Variants in ENOSF1 observed in about 807,000 individuals in gnomAD.
ENOSF1 encodes mitochondrial enolase superfamily member 1.
Under a neutral mutation model 68.2 loss-of-function variants are expected in ENOSF1, and 73 were observed. The ratio of observed to expected loss-of-function variants is 1.07; its 90% CI spans 0.89 to 1.30. The LOEUF (loss-of-function observed/expected upper bound fraction) is 1.30. ENOSF1 is among the 50% of genes most tolerant of loss of function. ENOSF1 has a pLI of 0.00. For missense variants in ENOSF1, 589 were observed against 554.5 expected, an observed-to-expected ratio of 1.06 and a Z score of -0.62; for synonymous variants, 223 against 210.4, an observed-to-expected ratio of 1.06 and a Z score of -0.52.
At chr18:682,378 C>T (rs1470009806) in intron 11 of ENOSF1, among the ~76,000 whole-genome samples, 1 of 152,166 alleles carries the variant, frequency 6.6e-6, no homozygotes, top group African/African-American at 2.4e-5. Flanking sequence ...CATACTTAAA[C>T]ATAGGAAAGG....
intron 11 of ENOSF1, among the ~76,000 whole-genome samples, chr18:681,251 C>A (rs1047503612): frequency 1.3e-5 from 2 of 152,220 alleles, no homozygotes. Context: ...TCCAGCCCCA[C>A]GTGGCAGCCT....
At chr18:692,735 G>A in intron 5 of ENOSF1, 1 of 992,380 alleles carries the variant, frequency 1.0e-6, no homozygotes, top group Non-Finnish European at 1.2e-6. Flanking sequence ...ATTCCCTTTT[G>A]GTGGCTACCT....
intron 3 of ENOSF1, among the ~76,000 whole-genome samples, chr18:695,186 T>A (rs560247766): frequency 1.7e-4 from 26 of 152,364 alleles, no homozygotes; most frequent in African/African-American, 5.3e-4. Flanking sequence ...TCTTCTTTTT[T>A]AAATGTTATT....
rs1446158374 is a variant in ENOSF1, at chr18:683,361, C to G, written c.761G>C (p.Arg254Pro). The G allele has an allele frequency of 1.2e-6, 2 of 1,614,132 alleles. No homozygotes were observed. The highest frequency in any genetic ancestry group is 2.2e-5 in the South Asian group (2 of 91,080). The change falls in exon 11 of 16, where the codon CGC (arginine) becomes CCC (proline). Residue 254 changes from arginine (R) to proline (P), a missense_variant. Transcript: ENST00000647584. ...EKTLMMDANQRWDVPEAVEWM... is the reference protein window; with the variant it reads ...EKTLMMDANQPWDVPEAVEWM... ...CTCCACCGCCTCAGGCACATCCCAG[C>G]GCTGGTTGGCATCCATCATCTGCAA...
rs1176027063 is a variant in ENOSF1, at chr18:693,920, A to G, written c.397-12T>C. Reference sequence around the variant, plus strand: ...AACTTCCAGACAGGCTTGAAGTAAAAAAGAAAGGATTTGTAAGACATATGT... The same window carrying G: ...AACTTCCAGACAGGCTTGAAGTAAAGAAGAAAGGATTTGTAAGACATATGT... On this transcript the variant is annotated splice_polypyrimidine_tract_variant and intron_variant, in intron 4 of 15. Transcript: ENST00000647584. 6.2e-7 allele frequency: 1 copy of G among 1,613,990 alleles called. No individual in the cohort carries two copies. Among genetic ancestry groups the G allele is most frequent in the Non-Finnish European group, 8.5e-7 (1 of 1,179,966 alleles).
At position 674,376 on chromosome 18, in the gene ENOSF1, C is replaced by G. The variant is rs1174343295; in HGVS notation, c.1261G>C (p.Glu421Gln). The G allele has an allele frequency of 6.2e-7, 1 of 1,612,470 alleles. No homozygotes were observed. The highest frequency in any genetic ancestry group is 1.1e-5 in the South Asian group (1 of 90,732). ...GGATACTGGTGTTTCTTTACAGATT[C>G]CTCCTTCATTTCTGTTGAGTAGCCG... ...DPGYSTEMKE[E>Q]SVKKHQYPDG... Residue 421 changes from glutamate (E) to glutamine (Q), a missense_variant, in exon 16 of 16, where the codon GAA becomes CAA. Transcript: ENST00000647584.
Position 677,888 on chromosome 18 carries a change from A to G in ENOSF1, c.919-16T>C, listed in dbSNP as rs1361085104. 1.2e-6 allele frequency: 2 copies of G among 1,610,014 alleles called. No homozygotes were observed. Among genetic ancestry groups the G allele is most frequent in the African/African-American group, 2.7e-5 (2 of 74,916 alleles). On this transcript the variant is annotated splice_polypyrimidine_tract_variant and intron_variant, in intron 12 of 15. Coordinates refer to ENST00000647584, the MANE Select transcript of ENOSF1 (RefSeq NM_017512.7). ...TATTGTGGCACTGGAAATAGAATTG[A>G]AAATAACACCAACAGAAGAGTCAGC... is the stretch of plus-strand genomic sequence containing the variant.
intron 13 of ENOSF1, 52 bp from the exon 14 acceptor site, chr18:677,496 G>A: frequency 6.7e-7 from 1 of 1,499,586 alleles, no homozygotes. Flanking sequence ...GGGAGAGGAA[G>A]GGGTGAAAGG....
intron 14 of ENOSF1, among the ~76,000 whole-genome samples, chr18:676,610 T>C (rs1001210937): frequency 5.3e-5 from 8 of 152,220 alleles, no homozygotes; most frequent in Non-Finnish European, 1.5e-5. Flanking sequence ...CTTTTCTTTA[T>C]AAATTACCCA....
At chr18:668,283 T>C (rs773195831), downstream of ENOSF1, among the ~76,000 whole-genome samples, 1 of 152,120 alleles carries the variant, frequency 6.6e-6, no homozygotes, top group Non-Finnish European at 1.5e-5. Context: ...GAGAGGACTT[T>C]CCTCCCAAAA....
chr18:685,057 T>A (rs2076488517), intron 10 of ENOSF1, among the ~76,000 whole-genome samples: 1 of 151,858 alleles, frequency 6.6e-6, no homozygotes, highest in African/African-American at 2.4e-5. Flanking sequence ...AGAGAGAGAG[T>A]CTTGCTATGT....
chr18:666,951 TGATGGAGATGGAGATGGTGATGGA>T (rs1567989592), downstream of ENOSF1, among the ~76,000 whole-genome samples: 794 of 21,206 alleles, frequency 0.037, 101 homozygotes, highest in Middle Eastern at 0.056. Flanking sequence ...ATGGTGATGG[TGATGGAGATGGAGATGGTGATGGA>T]GATGGAGATG....
intron 6 of ENOSF1, 27 bp downstream of exon 6, chr18:691,177 T>C (rs755117201): frequency 6.2e-7 from 1 of 1,613,802 alleles, no homozygotes; most frequent in Non-Finnish European, 8.5e-7. Flanking sequence ...GTGCACGTCG[T>C]GTATCCCAGA....
chr18:693,085 C>T lies in ENOSF1; in HGVS notation c.423+797G>A, dbSNP rs528537474. 245 of 1,288,346 alleles carry T rather than the reference C, an allele frequency of 1.9e-4. 1 individual carries two copies. Among genetic ancestry groups the T allele is most frequent in the Admixed American group, 5.3e-4 (23 of 43,512 alleles). 79.8% of individuals were successfully genotyped at this position (1,288,346 alleles called of 1,614,324 possible). On this transcript the variant is annotated intron_variant, in intron 5 of 15. Coordinates refer to ENST00000647584, the MANE Select transcript of ENOSF1 (RefSeq NM_017512.7). ...TCATGCAGCTGGTGAGCAGTGAAAC[C>T]CGGACTCACAGCCAGCTCTGCATGG...
intron 10 of ENOSF1, among the ~76,000 whole-genome samples, chr18:685,046 T>G (rs890418837): frequency 6.6e-6 from 1 of 152,084 alleles, no homozygotes; most frequent in African/African-American, 2.4e-5. Flanking sequence ...TTCTTTCTTT[T>G]AGAGAGAGAG....
At chr18:688,641 A>G in intron 8 of ENOSF1, 33 bp from the exon 9 acceptor site, 1 of 1,598,222 alleles carries the variant, frequency 6.3e-7, no homozygotes, top group Non-Finnish European at 8.6e-7. Flanking sequence ...CACACACTGG[A>G]GAGAGCCCCT....
chr18:706,409 T>C, intron 2 of ENOSF1, 61 bp downstream of exon 2: 2 of 1,103,454 alleles, frequency 1.8e-6, no homozygotes, highest in South Asian at 2.5e-5. Flanking sequence ...TCTAAGAATC[T>C]AAATTAGAAT....
In ENOSF1 at chr18:691,054, TTC is replaced by T; in HGVS notation, c.535+12_535+13del. On this transcript the variant is annotated intron_variant, in intron 7 of 15. Transcript: ENST00000647584. ...GTTAGCAAAAACAATGAAGAAAATT[TTC>T]TTACAACCCACCTCTTTCTTTTTTA... 1 of 1,614,080 alleles carries T rather than the reference TTC, an allele frequency of 6.2e-7. No homozygotes were observed. The highest frequency in any genetic ancestry group is 1.3e-5 in the African/African-American group (1 of 75,040).
intron 1 of ENOSF1, among the ~76,000 whole-genome samples, chr18:710,835 GGCAGTT>G (rs1330254878): frequency 6.6e-6 from 1 of 152,238 alleles, no homozygotes; most frequent in African/African-American, 2.4e-5. Context: ...CAGAGGCAAA[GGCAGTT>G]GCATGAGATC....
Sources: allele counts gnomAD v4.1 joint callset (sites outside exome capture counted in the v4.1 genomes callset), GRCh38; gene constraint gnomAD v4.1.1; transcripts MANE v1.5; gene names NCBI Gene and HGNC (gene_info 2026-07-23, HGNC 2026-07-21).